Variants in ITGB6 observed in about 807,000 individuals in gnomAD.
ITGB6 encodes the protein integrin subunit beta 6.
ITGB6 carries 80 observed loss-of-function variants against 84.5 expected under a neutral mutation model. The observed-to-expected ratio is 0.95, with a 90% confidence interval of 0.79 to 1.14. The LOEUF is 1.14. Among genes scored for constraint, ITGB6 ranks in the 50% most tolerant of loss-of-function variants. ITGB6 has a pLI of 0.00. For missense variants in ITGB6, 1,006 were observed against 968.0 expected (o/e 1.04, Z -0.52); for synonymous variants, 383 against 354.9 (o/e 1.08, Z -0.89).
At chr2:160,156,367 G>T (rs1398537089) in intron 7 of ITGB6, among the ~76,000 whole-genome samples, 3 of 152,100 alleles carry the variant, frequency 2.0e-5, no homozygotes, top group Admixed American at 6.5e-5. Context: ...CAACTCAGGG[G>T]CCTTACAACA....
rs184689444 is a variant in ITGB6, at chr2:160,133,232, C to T, written c.1660+4202G>A. 1.1e-4 allele frequency among the ~76,000 whole-genome samples: 17 copies of T among 151,574 alleles called. No individual in the cohort carries two copies. In the East Asian group the frequency reaches 1.2e-3, roughly 10 times the overall value. The stretch of plus-strand genomic sequence containing the variant: ...GATGGAGGAAGATCTACAAAGCAAA[C>T]GGAAAACAAAAAAAGGCAGGGGTTG... On this transcript the variant is annotated intron_variant, in intron 10 of 14. Transcript: ENST00000283249.
chr2:160,121,144 A>C (rs1683019777), intron 12 of ITGB6, among the ~76,000 whole-genome samples: 1 of 152,200 alleles, frequency 6.6e-6, no homozygotes, highest in Non-Finnish European at 1.5e-5. Context: ...TTAAGACCTC[A>C]GCTCTAGGAT....
Position 160,101,700 on chromosome 2 carries a change from T to C in ITGB6, c.*36A>G. ...TTAAATAGTGCATTAACATTTCATA[T>C]CAGTGAAACAGACTTTTTTCATGCA... On this transcript the variant is annotated 3_prime_UTR_variant, in exon 15 of 15. Transcript: ENST00000283249. The C allele has an allele frequency of 9.0e-7, 1 of 1,112,206 alleles. No homozygotes were observed. Among genetic ancestry groups the C allele is most frequent in the Middle Eastern group, 2.0e-4 (1 of 5,078 alleles). 68.9% of individuals were successfully genotyped at this position (1,112,206 alleles called of 1,614,324 possible).
intron 14 of ITGB6, among the ~76,000 whole-genome samples, chr2:160,102,422 C>G (rs903718607): frequency 6.6e-6 from 1 of 152,214 alleles, no homozygotes; most frequent in African/African-American, 2.4e-5. Flanking sequence ...GGACAGCTAA[C>G]ACTTGCCCTG....
At chr2:160,112,339 T>C (rs1467490234) in intron 12 of ITGB6, 140 bp from the exon 13 acceptor site, 1 of 790,216 alleles carries the variant, frequency 1.3e-6, no homozygotes, top group Admixed American at 3.4e-5. Flanking sequence ...ATAGGTTTTT[T>C]TTTTTCTCAT....
intron 7 of ITGB6, among the ~76,000 whole-genome samples, chr2:160,154,336 GA>G (rs1297316944): frequency 1.4e-5 from 2 of 145,926 alleles, no homozygotes; most frequent in Non-Finnish European, 3.0e-5. Flanking sequence ...CACAAGGACA[GA>G]AAACCAAACA....
Position 160,148,340 on chromosome 2 carries a change from C to T in ITGB6, c.1018-6269G>A, listed in dbSNP as rs531567289. Among the ~76,000 whole-genome samples the T allele has an allele frequency of 5.3e-5, 8 of 152,358 alleles. No individual in the cohort carries two copies. In the East Asian group the frequency reaches 1.5e-3, roughly 29 times the overall value. ...ACTAGGATGTGGAGCAATAGGAATT[C>T]TCATTCATTGCTGGTGGGAATGCAA... is the stretch of plus-strand genomic sequence containing the variant. On this transcript the variant is annotated intron_variant, in intron 7 of 14. Transcript: ENST00000283249.
In ITGB6 at chr2:160,178,346, G is replaced by T. The variant is rs143905919; in HGVS notation, c.594-4207C>A. Among the ~76,000 whole-genome samples, 16 of 152,318 alleles carry T rather than the reference G, an allele frequency of 1.1e-4. No individual in the cohort carries two copies. The East Asian group carries it at 2.1e-3, about 20-fold the overall frequency. On this transcript the variant is annotated intron_variant, in intron 4 of 14. Transcript: ENST00000283249. The stretch of plus-strand genomic sequence containing the variant: ...TGTGCCTGGGACCTAACTATTCTTG[G>T]AAATTGTTTAATCTATTATTTGGGG...
chr2:160,155,919 CA>C (rs1180032995), intron 7 of ITGB6, among the ~76,000 whole-genome samples: 2 of 152,166 alleles, frequency 1.3e-5, no homozygotes, highest in Non-Finnish European at 2.9e-5. Context: ...GCTAAAATTA[CA>C]AAACTGACAA....
At chr2:160,185,389 G>T (rs1445274640) in intron 4 of ITGB6, among the ~76,000 whole-genome samples, 1 of 152,156 alleles carries the variant, frequency 6.6e-6, no homozygotes, top group African/African-American at 2.4e-5. Flanking sequence ...GCTACAAAGA[G>T]AATACAATAC....
chr2:160,165,827 AG>A (rs1047664038), intron 7 of ITGB6, among the ~76,000 whole-genome samples: 4 of 152,114 alleles, frequency 2.6e-5, no homozygotes, highest in Non-Finnish European at 5.9e-5. Context: ...CCAATGTGGG[AG>A]GGATGGAAGA....
chr2:160,153,633 C>T (rs561328833), intron 7 of ITGB6, among the ~76,000 whole-genome samples: 4 of 152,190 alleles, frequency 2.6e-5, no homozygotes, highest in African/African-American at 9.6e-5. Context: ...AAAGAAACTA[C>T]CATCAGAGTG....
intron 7 of ITGB6, among the ~76,000 whole-genome samples, chr2:160,154,794 GT>G (rs1684560323): frequency 6.6e-6 from 1 of 152,170 alleles, no homozygotes; most frequent in South Asian, 2.1e-4. Flanking sequence ...GACGGAGAAA[GT>G]TTAAATGCAT....
At chr2:160,148,224 A>T (rs1238007038) in intron 7 of ITGB6, among the ~76,000 whole-genome samples, 2 of 152,264 alleles carry the variant, frequency 1.3e-5, no homozygotes, top group Admixed American at 6.5e-5. Flanking sequence ...ATTAAATGTC[A>T]GCAGGTAAAG....
At chr2:160,105,649 G>T (rs571259020) in intron 14 of ITGB6, among the ~76,000 whole-genome samples, 1 of 152,302 alleles carries the variant, frequency 6.6e-6, no homozygotes, top group Non-Finnish European at 1.5e-5. Context: ...GAAATACCAG[G>T]ATTATATCAT....
chr2:160,170,151 A>G (rs568154923), intron 6 of ITGB6, among the ~76,000 whole-genome samples: 1 of 152,330 alleles, frequency 6.6e-6, no homozygotes, highest in African/African-American at 2.4e-5. Flanking sequence ...TATGTTAATT[A>G]TGTTAAGGGA....
chr2:160,161,344 A>AT (rs1196137201), intron 7 of ITGB6, among the ~76,000 whole-genome samples: 1 of 152,156 alleles, frequency 6.6e-6, no homozygotes, highest in Non-Finnish European at 1.5e-5. Context: ...TAATTGTACG[A>AT]TTAAGGCATG....
intron 4 of ITGB6, among the ~76,000 whole-genome samples, chr2:160,174,737 C>T (rs1196578224): frequency 1.3e-5 from 2 of 152,190 alleles, no homozygotes; most frequent in Non-Finnish European, 2.9e-5. Context: ...AAAGATATTA[C>T]AGTAGAACAC....
chr2:160,180,961 T>C (rs1483017724), intron 4 of ITGB6, among the ~76,000 whole-genome samples: 1 of 152,188 alleles, frequency 6.6e-6, no homozygotes, highest in Non-Finnish European at 1.5e-5. Context: ...CCAGCCCAGA[T>C]ACTTCGCTTT....
Sources: allele counts gnomAD v4.1 joint callset (sites outside exome capture counted in the v4.1 genomes callset), GRCh38; gene constraint gnomAD v4.1.1; transcripts MANE v1.5; gene names NCBI Gene and HGNC (gene_info 2026-07-23, HGNC 2026-07-21).